GTPBP2: variants seen among roughly 807,000 people sequenced by gnomAD.
GTPBP2 encodes the protein GTP binding protein 2, also known as GTP-binding protein 2.
Under a neutral mutation model 63.0 loss-of-function variants are expected in GTPBP2, and 32 were observed. That is an observed-to-expected ratio of 0.51 (90% CI 0.38 to 0.68). The LOEUF (loss-of-function observed/expected upper bound fraction) is 0.68. Among genes scored for constraint, GTPBP2 ranks in the 30% least tolerant of loss-of-function variants. GTPBP2 has a pLI of 0.00. For missense variants in GTPBP2, 492 were observed against 796.9 expected, an observed-to-expected ratio of 0.62 and a Z score of 4.61; for synonymous variants, 310 against 322.6, an observed-to-expected ratio of 0.96 and a Z score of 0.42.
Position 43,624,147 on chromosome 6 carries a change from G to T in GTPBP2, c.1101-79C>A. ...AGGCCAGAGCCCCATACATGGAAAG[G>T]TGAGCTTTGTTCTGGCTGGGGGCCC... On this transcript the variant is annotated intron_variant, in intron 7 of 11. Coordinates refer to ENST00000307126, the MANE Select transcript of GTPBP2 (RefSeq NM_019096.5). The surrounding 1 kb of genome is among the most constrained non-coding windows in gnomAD (Gnocchi z 5.1). 1 of 1,361,782 alleles carries T rather than the reference G, an allele frequency of 7.3e-7. No individual in the cohort carries two copies. Among genetic ancestry groups the T allele is most frequent in the Non-Finnish European group, 1.0e-6 (1 of 998,804 alleles). 84.4% of individuals were successfully genotyped at this position (1,361,782 alleles called of 1,614,324 possible). A position where few individuals can be genotyped will look rare whatever the true frequency, so the allele number is the denominator to read the frequency against.
At position 43,621,666 on chromosome 6, in the gene GTPBP2, G is replaced by A. The variant is rs560676762; in HGVS notation, c.1757C>T (p.Thr586Ile). 2.5e-6 allele frequency: 4 copies of A among 1,614,188 alleles called. No homozygotes were observed. Among genetic ancestry groups the A allele is most frequent in the Admixed American group, 1.7e-5 (1 of 60,018 alleles). ...EGVTKGIGHV[T>I]DVQAITAGEA... is the part of the protein sequence containing the mutation. ...TCCTGCTGTAATGGCTTGTACATCA[G>A]TGACATGGCCGATGCCCTTGGTGAC... The change falls in exon 12 of 12, where the codon ACT becomes ATT. Residue 586 changes from threonine (T) to isoleucine (I), a missense_variant. By Grantham distance (89) the Thr-to-Ile change is moderately conservative (BLOSUM62 -1). Transcript: ENST00000307126.
Position 43,629,257 on chromosome 6 carries a change from A to C in GTPBP2, c.-95T>G. On this transcript the variant is annotated 5_prime_UTR_variant, in exon 1 of 12. Coordinates refer to ENST00000307126, the MANE Select transcript of GTPBP2 (RefSeq NM_019096.5). ...GCCACTGCCGTGTCCGGCCGGCCTGAGCAGAGTGGGGTGGGGCTCTGCACA... is the reference window on the plus strand; with the variant it reads ...GCCACTGCCGTGTCCGGCCGGCCTGCGCAGAGTGGGGTGGGGCTCTGCACA... 1 of 941,446 alleles carries C rather than the reference A, an allele frequency of 1.1e-6. No individual in the cohort carries two copies. The allele number at this position is 941,446 out of a possible 1,614,324, so 58.3% of individuals were successfully genotyped here.
chr6:43,621,511 C>T lies in GTPBP2; in HGVS notation c.*103G>A. 1 of 1,582,614 alleles carries T rather than the reference C, an allele frequency of 6.3e-7. No homozygotes were observed. Among genetic ancestry groups the T allele is most frequent in the Non-Finnish European group, 8.6e-7 (1 of 1,164,168 alleles). On this transcript the variant is annotated 3_prime_UTR_variant, in exon 12 of 12. Coordinates refer to ENST00000307126, the MANE Select transcript of GTPBP2 (RefSeq NM_019096.5). ...AAGTGGCAGACAGCACCCCTCTCTC[C>T]CTAGCCTATTAACACACAGAGCCGC...
rs374593409 is a variant in GTPBP2 at position 43,625,528 on chromosome 6, A to G, written c.540T>C (p.Asn180=). 19 of 1,613,910 alleles carry G rather than the reference A, an allele frequency of 1.2e-5. No homozygotes were observed. Among genetic ancestry groups the G allele is most frequent in the African/African-American group, 8.0e-5 (6 of 74,906 alleles). The part of the protein sequence containing the change: ...FLDLRVAVLG[N]VDSGKSTLLG... ...GCAGAGTTGACTTCCCAGAGTCCAC[A>G]TTCCCCAGGACGGCCACACGGAGGT... is the stretch of plus-strand genomic sequence containing the variant. The change falls in exon 5 of 12, where the codon AAT becomes AAC. Residue 180 remains asparagine (N), a synonymous_variant. Transcript: ENST00000307126. The surrounding 1 kb of genome is among the most constrained non-coding windows in gnomAD (Gnocchi z 5.1).
Position 43,625,455 on chromosome 6 carries a change from G to A in GTPBP2, c.613C>T (p.Arg205Trp), listed in dbSNP as rs766935105. 1.9e-6 allele frequency: 3 copies of A among 1,614,018 alleles called. No individual in the cohort carries two copies. The highest frequency in any genetic ancestry group is 1.7e-5 in the Admixed American group (1 of 60,012). The change falls in exon 5 of 12, where the codon CGG (arginine) becomes TGG (tryptophan). Residue 205 changes from arginine (R) to tryptophan (W), a missense_variant. Coordinates refer to ENST00000307126, the MANE Select transcript of GTPBP2 (RefSeq NM_019096.5). The surrounding 1 kb of genome is among the most constrained non-coding windows in gnomAD (Gnocchi z 5.1). ...TGCAGGTGGCGGAAAAGGTTGAGCC[G>A]AGCCCGGCCCCGCCCATTGTCCAGC... ...GELDNGRGRA[R>W]LNLFRHLHEI... is the part of the protein sequence containing the mutation.
intron 11 of GTPBP2, 35 bp downstream of exon 11, chr6:43,621,968 A>C: frequency 6.2e-7 from 1 of 1,611,884 alleles, no homozygotes; most frequent in Non-Finnish European, 8.5e-7. Context: ...CTCTTTTCTG[A>C]CCTCTGGAGA....
At position 43,624,565 on chromosome 6, in the gene GTPBP2, C is replaced by A; in HGVS notation, c.1045G>T (p.Val349Phe). The A allele has an allele frequency of 6.2e-7, 1 of 1,614,138 alleles. No homozygotes were observed. The stretch of plus-strand genomic sequence containing the variant: ...GTGACGGCATCATCCTCAGAGGTGA[C>A]CAGCATGGGGACCTTGTGGCAGCCA... ...QPGCHKVPMLVTSEDDAVTAA... is the reference protein window; with the variant it reads ...QPGCHKVPMLFTSEDDAVTAA... Residue 349 changes from valine to phenylalanine, a missense_variant, in exon 7 of 12, where the codon GTC becomes TTC. This residue lies in a region of GTPBP2 where 400 missense variants were observed against 710.8 expected (regional missense o/e 0.56). Transcript: ENST00000307126. The surrounding 1 kb of genome is among the most constrained non-coding windows in gnomAD (Gnocchi z 5.1).
At chr6:43,628,876 C>A in intron 1 of GTPBP2, 101 bp downstream of exon 1, 1 of 1,310,998 alleles carries the variant, frequency 7.6e-7, no homozygotes, top group African/African-American at 1.4e-5. Context: ...CCTGGGGTCT[C>A]GACACCGGAA....
rs560343847 is a variant in GTPBP2, at chr6:43,624,321, C to T, written c.1100+189G>A. On this transcript the variant is annotated intron_variant, in intron 7 of 11. Coordinates refer to ENST00000307126, the MANE Select transcript of GTPBP2 (RefSeq NM_019096.5). This position sits in a 1 kb window ranked among gnomAD's most constrained non-coding sequence, Gnocchi z 5.1. ...GCCATGGTCCCAGGCATCAGCAGTG[C>T]TCCAGGTTGGCTCGGGAGGAGGGTC... Among the ~76,000 whole-genome samples, 1 of 152,352 alleles carries T rather than the reference C, an allele frequency of 6.6e-6. No homozygotes were observed. Among genetic ancestry groups the T allele is most frequent in the South Asian group, 2.1e-4 (1 of 4,828 alleles).
rs200086245 is a variant in GTPBP2 at position 43,625,572 on chromosome 6, T to A, written c.508-12A>T. The stretch of plus-strand genomic sequence containing the variant: ...CGGAGGTCTAGGAACTGTGGATGAA[T>A]TGCCAGAGATAAGAACTCCAATCTC... On this transcript the variant is annotated splice_polypyrimidine_tract_variant and intron_variant, in intron 4 of 11. Coordinates refer to ENST00000307126, the MANE Select transcript of GTPBP2 (RefSeq NM_019096.5). This position sits in a 1 kb window ranked among gnomAD's most constrained non-coding sequence, Gnocchi z 5.1. 1.6e-5 allele frequency: 26 copies of A among 1,606,686 alleles called. No homozygotes were observed. The highest frequency in any genetic ancestry group is 9.4e-6 in the Non-Finnish European group (11 of 1,173,410).
chr6:43,630,975 T>C (rs1194928509), upstream of GTPBP2, among the ~76,000 whole-genome samples: 1 of 151,412 alleles, frequency 6.6e-6, no homozygotes, highest in African/African-American at 2.4e-5. Flanking sequence ...AGACCTCAGT[T>C]GTCCTTGGAA....
rs764332785 is a variant in GTPBP2, at chr6:43,622,826, G to A, written c.1296-22C>T. The A allele has an allele frequency of 5.0e-6, 8 of 1,594,720 alleles. No individual in the cohort carries two copies. In the Admixed American group the frequency reaches 5.2e-5, roughly 10 times the overall value. The stretch of plus-strand genomic sequence containing the variant: ...CCCACTGCAGCCCAGAGGGCAGGTG[G>A]CACAGTGTCAGCCAAGGTCCCCATA... On this transcript the variant is annotated intron_variant, in intron 9 of 11. Coordinates refer to ENST00000307126, the MANE Select transcript of GTPBP2 (RefSeq NM_019096.5). This position sits in a 1 kb window ranked among gnomAD's most constrained non-coding sequence, Gnocchi z 5.4.
chr6:43,628,482 G>T, intron 1 of GTPBP2: 2 of 706,920 alleles, frequency 2.8e-6, no homozygotes, highest in Non-Finnish European at 1.7e-6. Context: ...GTGTGTGTGT[G>T]TGTGTGTGTG....
Position 43,622,011 on chromosome 6 carries a change from G to A in GTPBP2, c.1624C>T (p.His542Tyr). 1 of 1,614,208 alleles carries A rather than the reference G, an allele frequency of 6.2e-7. No individual in the cohort carries two copies. The highest frequency in any genetic ancestry group is 8.5e-7 in the Non-Finnish European group (1 of 1,180,016). Reference protein sequence around the residue: ...VRQTAVVEKIHAKDKLRTGEK... With the variant: ...VRQTAVVEKIYAKDKLRTGEK... ...GGCCAGGTCCCTCTCACCTTGGCATGGATCTTTTCCACCACTGCCGTCTGA... is the reference window on the plus strand; with the variant it reads ...GGCCAGGTCCCTCTCACCTTGGCATAGATCTTTTCCACCACTGCCGTCTGA... The change falls in exon 11 of 12, where the codon CAT becomes TAT. Residue 542 changes from histidine to tyrosine, a missense_variant. This residue lies in a region of GTPBP2 where 400 missense variants were observed against 710.8 expected (regional missense o/e 0.56). Transcript: ENST00000307126. The surrounding 1 kb of genome is among the most constrained non-coding windows in gnomAD (Gnocchi z 5.4).
In GTPBP2 at chr6:43,625,251, T is replaced by G. The variant is rs1582348325; in HGVS notation, c.705+112A>C. On this transcript the variant is annotated intron_variant, in intron 5 of 11. Coordinates refer to ENST00000307126, the MANE Select transcript of GTPBP2 (RefSeq NM_019096.5). This position sits in a 1 kb window ranked among gnomAD's most constrained non-coding sequence, Gnocchi z 5.1. The stretch of plus-strand genomic sequence containing the variant: ...CTTGTTCACAGTCCCCTCAGGGCAT[T>G]CATCTATACTATTTCAAAAAGTCTC... 9.3e-7 allele frequency: 1 copy of G among 1,074,716 alleles called. No homozygotes were observed. The highest frequency in any genetic ancestry group is 2.4e-5 in the East Asian group (1 of 42,220). 66.6% of individuals were successfully genotyped at this position (1,074,716 alleles called of 1,614,324 possible).
chr6:43,623,122 G>A (rs1327924167), intron 9 of GTPBP2: 1 of 284,478 alleles, frequency 3.5e-6, no homozygotes, highest in African/African-American at 2.2e-5. Context: ...CAGCCGCGTT[G>A]GCTCACACCT....
chr6:43,626,328 T>A lies in GTPBP2; in HGVS notation c.296A>T (p.Glu99Val). ...MKWRLQEGRGEAVYQIGVEDN... is the reference protein window; with the variant it reads ...MKWRLQEGRGVAVYQIGVEDN... ...CTCTACCCCAATCTGGTAGACGGCC[T>A]CACCACGTCCCTCCTGGAGCCGCCA... Residue 99 changes from glutamate (E) to valine (V), a missense_variant, in exon 3 of 12, where the codon GAG (glutamate) becomes GTG (valine). Coordinates refer to ENST00000307126, the MANE Select transcript of GTPBP2 (RefSeq NM_019096.5). The surrounding 1 kb of genome is among the most constrained non-coding windows in gnomAD (Gnocchi z 4.0). The A allele has an allele frequency of 6.2e-7, 1 of 1,614,168 alleles. No homozygotes were observed. Among genetic ancestry groups the A allele is most frequent in the Non-Finnish European group, 8.5e-7 (1 of 1,179,986 alleles).
At position 43,625,923 on chromosome 6, in the gene GTPBP2, G is replaced by T; in HGVS notation, c.399-59C>A. 1.5e-6 allele frequency: 2 copies of T among 1,337,784 alleles called. No individual in the cohort carries two copies. The highest frequency in any genetic ancestry group is 1.8e-4 in the Middle Eastern group (1 of 5,556). The allele number at this position is 1,337,784 out of a possible 1,614,324, so 82.9% of individuals were successfully genotyped here. ...CCTGTCCTTCTCCTATTCCAGGCTC[G>T]CTCTGGACCTACAGACTTCCTGCAC... On this transcript the variant is annotated intron_variant, in intron 3 of 11. Transcript: ENST00000307126. The surrounding 1 kb of genome is among the most constrained non-coding windows in gnomAD (Gnocchi z 5.1).
chr6:43,630,016 G>A (rs972856871), upstream of GTPBP2, among the ~76,000 whole-genome samples: 24 of 152,210 alleles, frequency 1.6e-4, no homozygotes, highest in African/African-American at 5.3e-4. Context: ...CCTCCCCTTT[G>A]TTTTGAAGCA....
Sources: allele counts gnomAD v4.1 joint callset (sites outside exome capture counted in the v4.1 genomes callset), GRCh38; gene constraint gnomAD v4.1.1; regional missense constraint gnomAD v4.1.1; non-coding constraint Gnocchi (gnomAD v3.1); transcripts MANE v1.5; gene names NCBI Gene and HGNC (gene_info 2026-07-23, HGNC 2026-07-21).